Variants in MTMR10 observed in about 807,000 individuals in gnomAD.
The protein encoded by MTMR10 is myotubularin-related protein 10.
Under a neutral mutation model 88.1 loss-of-function variants are expected in MTMR10, and 56 were observed. The ratio of observed to expected loss-of-function variants is 0.64; its 90% confidence interval spans 0.51 to 0.79. The LOEUF is 0.79. MTMR10 is among the 30% of genes least tolerant of loss of function. The pLI is 0.00. For missense variants in MTMR10, 883 were observed against 924.7 expected (o/e 0.95, Z 0.58); for synonymous variants, 380 against 340.9 (o/e 1.11, Z -1.26).
intron 10 of MTMR10, 112 bp from the exon 11 acceptor site, chr15:30,953,743 C>A: frequency 1.5e-6 from 1 of 663,836 alleles, no homozygotes; most frequent in South Asian, 2.3e-5. Context: ...AAGTAAATAT[C>A]ATGCATTTTC....
At chr15:30,924,882 TG>T in the MTMR10 span, among the ~76,000 whole-genome samples, 3 of 152,206 alleles carry the variant, frequency 2.0e-5, no homozygotes, top group Admixed American at 1.3e-4. Context: ...TGGGATCCAC[TG>T]TCCACCTGGA....
chr15:30,951,893 T>C, intron 12 of MTMR10, 75 bp downstream of exon 12: 1 of 1,251,000 alleles, frequency 8.0e-7, no homozygotes, highest in Non-Finnish European at 1.2e-6. Flanking sequence ...TGTGATTTAC[T>C]TGAATGGGGA....
At position 30,941,712 on chromosome 15, in the gene MTMR10, G is replaced by C. The variant is rs1202770640; in HGVS notation, c.2092C>G (p.Gln698Glu). Reference protein sequence around the residue: ...EVDVLSRMLRQQRSGPLEACY... With the variant: ...EVDVLSRMLREQRSGPLEACY... ...GCCTCCAGGGGGCCACTGCGCTGTT[G>C]CCGCAGCATCCTGCTCAGTACGTCG... The change falls in exon 16 of 16, where the codon CAA (glutamine) becomes GAA (glutamate). Residue 698 changes from glutamine (Q) to glutamate (E), a missense_variant. This residue lies in a region of MTMR10 where 343 missense variants were observed against 323.2 expected (regional missense o/e 1.06). Transcript: ENST00000435680. 1 of 1,613,928 alleles carries C rather than the reference G, an allele frequency of 6.2e-7. No individual in the cohort carries two copies. Among genetic ancestry groups the C allele is most frequent in the Non-Finnish European group, 8.5e-7 (1 of 1,179,858 alleles).
At chr15:30,952,933 G>C (rs906087721) in intron 11 of MTMR10, among the ~76,000 whole-genome samples, 1 of 152,112 alleles carries the variant, frequency 6.6e-6, no homozygotes, top group African/African-American at 2.4e-5. Flanking sequence ...GGGACTACAG[G>C]TGCGTGCCAC....
intron 15 of MTMR10, chr15:30,942,334 A>C (rs1227502955): frequency 1.9e-6 from 1 of 530,652 alleles, no homozygotes; most frequent in African/African-American, 1.9e-5. Context: ...AATTTGCTTA[A>C]GGATAAGTTC....
the MTMR10 span, among the ~76,000 whole-genome samples, chr15:30,919,769 G>A: frequency 6.6e-6 from 1 of 151,904 alleles, no homozygotes; most frequent in Non-Finnish European, 1.5e-5. Context: ...GGATCATCAT[G>A]AAGGTCTTCA....
At chr15:30,983,702 T>A (rs1210874899) in intron 2 of MTMR10, among the ~76,000 whole-genome samples, 1 of 151,994 alleles carries the variant, frequency 6.6e-6, no homozygotes, top group Non-Finnish European at 1.5e-5. Context: ...GACAGAGGGG[T>A]TTCCCTGGGA....
rs747591383 is a variant in MTMR10 at position 30,941,791 on chromosome 15, G to A, written c.2013C>T (p.Ser671=). 3 of 1,614,030 alleles carry A rather than the reference G, an allele frequency of 1.9e-6. No individual in the cohort carries two copies. The highest frequency in any genetic ancestry group is 1.1e-5 in the South Asian group (1 of 91,080). Residue 671 remains serine (S), a synonymous_variant, in exon 16 of 16, where the codon AGC becomes AGT. Coordinates refer to ENST00000435680, the MANE Select transcript of MTMR10 (RefSeq NM_017762.3). ...YFRWVPEAQI[S]LGGSITAFHK... is the part of the protein sequence containing the mutation. Reference sequence around the variant, plus strand: ...GAAAGGCTGTGATGGAGCCACCCAGGCTGATCTGGGCCTCGGGAACCCAGC... The same window carrying A: ...GAAAGGCTGTGATGGAGCCACCCAGACTGATCTGGGCCTCGGGAACCCAGC...
chr15:30,944,149 T>A, intron 14 of MTMR10: 1 of 370,728 alleles, frequency 2.7e-6, no homozygotes, highest in South Asian at 1.1e-4. Context: ...CCTGGCACAG[T>A]GGCGGCTTGA....
the MTMR10 span, among the ~76,000 whole-genome samples, chr15:30,931,750 C>G: frequency 6.6e-6 from 1 of 152,076 alleles, no homozygotes; most frequent in South Asian, 2.1e-4. Context: ...GGGTCTGTTT[C>G]TATATACTCT....
intron 2 of MTMR10, among the ~76,000 whole-genome samples, chr15:30,988,987 CAAA>C (rs71420538): frequency 1.2e-5 from 1 of 85,890 alleles, no homozygotes. Flanking sequence ...GACTCTGTCT[CAAA>C]AAAAAAAAAA....
intron 7 of MTMR10, among the ~76,000 whole-genome samples, chr15:30,959,338 C>T (rs539957044): frequency 1.3e-5 from 2 of 152,214 alleles, no homozygotes; most frequent in Admixed American, 1.3e-4. Context: ...AAATTTATAG[C>T]ATGAGAAAAT....
At chr15:30,956,553 G>A (rs872843) in intron 9 of MTMR10, among the ~76,000 whole-genome samples, 7,977 of 152,246 alleles carry the variant, frequency 0.052, 310 homozygotes, top group Admixed American at 0.13. Context: ...AATGTTCTAG[G>A]CAGAGGGCAG....
the MTMR10 span, among the ~76,000 whole-genome samples, chr15:30,931,481 A>T: frequency 2.0e-5 from 3 of 152,190 alleles, no homozygotes; most frequent in Admixed American, 6.5e-5. Flanking sequence ...TTGGTGTCAC[A>T]TGTCAGAAAT....
intron 14 of MTMR10, among the ~76,000 whole-genome samples, chr15:30,944,184 G>A (rs938869792): frequency 6.6e-6 from 1 of 152,164 alleles, no homozygotes; most frequent in South Asian, 2.1e-4. Context: ...GCTAAGCTGT[G>A]TAACAGCACA....
Position 30,984,954 on chromosome 15 carries a change from G to A in MTMR10, c.121+5823C>T, listed in dbSNP as rs2030847668. Among the ~76,000 whole-genome samples, 4 of 152,136 alleles carry A rather than the reference G, an allele frequency of 2.6e-5. No homozygotes were observed. The South Asian group carries it at 8.3e-4, about 32-fold the overall frequency. On this transcript the variant is annotated intron_variant, in intron 2 of 15. Transcript: ENST00000435680. Reference sequence around the variant, plus strand: ...ACTACTTTTTCTCTCCTCTACTGAAGCATCTCTCCAGTGAACTGAAACTGT... The same window carrying A: ...ACTACTTTTTCTCTCCTCTACTGAAACATCTCTCCAGTGAACTGAAACTGT...
chr15:30,970,968 G>C (rs981118884), intron 5 of MTMR10, among the ~76,000 whole-genome samples: 7 of 152,082 alleles, frequency 4.6e-5, no homozygotes, highest in Admixed American at 1.3e-4. Flanking sequence ...TATAACTTAT[G>C]TTCATATGAC....
intron 12 of MTMR10, among the ~76,000 whole-genome samples, chr15:30,951,160 T>C (rs2141005292): frequency 6.6e-6 from 1 of 152,364 alleles, no homozygotes; most frequent in Admixed American, 6.5e-5. Context: ...AGTTATTTAA[T>C]ATGTAATTAT....
the MTMR10 span, among the ~76,000 whole-genome samples, chr15:30,923,902 G>A: frequency 6.6e-6 from 1 of 152,056 alleles, no homozygotes; most frequent in Non-Finnish European, 1.5e-5. Flanking sequence ...GTACAGTTCA[G>A]TGGCATTCAT....
Sources: gnomAD v4.1 joint callset for allele counts (sites outside exome capture counted in the v4.1 genomes callset) on GRCh38, gnomAD v4.1.1 for gene constraint, gnomAD v4.1.1 regional missense constraint, MANE v1.5 for transcripts, NCBI Gene and HGNC (gene_info 2026-07-23, HGNC 2026-07-21) for gene names.